The following DSP variants were observed in gnomAD, a reference collection of about 807,000 sequenced individuals.
DSP encodes 250/210 kDa paraneoplastic pemphigus antigen.
DSP carries 114 observed loss-of-function variants against 290.6 expected under a neutral mutation model. The observed-to-expected ratio is 0.39, with a 90% CI of 0.34 to 0.46. The LOEUF (loss-of-function observed/expected upper bound fraction) is 0.46, where lower values mean the gene tolerates loss of function less well. Ranked by LOEUF, DSP falls within the 20% of genes least tolerant of loss-of-function variation. The pLI is 0.99. For missense variants in DSP, 3,230 were observed against 3,495.8 expected (o/e 0.92, Z 1.92); for synonymous variants, 1,311 against 1,316.4 (o/e 1.00, Z 0.09).
At position 7,568,493 on chromosome 6, in the gene DSP, G is replaced by C. The variant is rs1037212969; in HGVS notation, c.1323G>C (p.Lys441Asn). 21 of 1,614,016 alleles carry C rather than the reference G, an allele frequency of 1.3e-5. No individual in the cohort carries two copies. The highest frequency in any genetic ancestry group is 5.0e-5 in the Admixed American group (3 of 60,010). Residue 441 changes from lysine to asparagine, a missense_variant, in exon 11 of 24, where the codon AAG becomes AAC. Coordinates refer to ENST00000379802, the MANE Select transcript of DSP (RefSeq NM_004415.4). Reference protein sequence around the residue: ...YKRQVQNLVNKSKKIVQLKPR... With the variant: ...YKRQVQNLVNNSKKIVQLKPR... ...GTCAGGTGCAGAACTTGGTAAACAA[G>C]TCTAAGAAGATTGTACAGCTGAAGC...
At position 7,579,979 on chromosome 6, in the gene DSP, C is replaced by T; in HGVS notation, c.3789C>T (p.Ala1263=). The T allele has an allele frequency of 6.2e-7, 1 of 1,614,066 alleles. No individual in the cohort carries two copies. Among genetic ancestry groups the T allele is most frequent in the South Asian group, 1.1e-5 (1 of 91,074 alleles). Residue 1263 remains alanine, a synonymous_variant, in exon 23 of 24, where the codon GCC becomes GCT. Transcript: ENST00000379802. This position sits in a 1 kb window ranked among gnomAD's most constrained non-coding sequence, Gnocchi z 4.1. ...IVRLNDSILQ[A]TEQRRRAEEN... is the part of the protein sequence containing the mutation. ...GGCTCAATGACAGCATCTTGCAGGC[C>T]ACTGAGCAGCGAAGGCGAGCTGAAG...
At chr6:7,575,259 G>A in intron 17 of DSP, 36 bp from the exon 18 acceptor site, 3 of 1,610,424 alleles carry the variant, frequency 1.9e-6, no homozygotes, top group Non-Finnish European at 2.5e-6. Context: ...TGGGAGAAGG[G>A]ATTAATTTGC....
chr6:7,559,460 T>C, intron 4 of DSP, 60 bp downstream of exon 4: 2 of 1,603,846 alleles, frequency 1.2e-6, no homozygotes, highest in South Asian at 2.2e-5. Flanking sequence ...CACGATGGGG[T>C]CAGCCCATGT....
At chr6:7,557,995 T>C in intron 2 of DSP, 121 bp from the exon 3 acceptor site, 3 of 1,240,624 alleles carry the variant, frequency 2.4e-6, no homozygotes, top group Middle Eastern at 1.9e-4. Context: ...AAGATCATTT[T>C]CACTGGCGAA....
chr6:7,551,678 G>A (rs114687153), intron 1 of DSP, among the ~76,000 whole-genome samples: 146 of 151,834 alleles, frequency 9.6e-4, no homozygotes, highest in African/African-American at 3.2e-3. Context: ...CCTGGCTCTC[G>A]TGCTGAAGAA....
At chr6:7,554,652 A>G (rs1017049131) in intron 1 of DSP, among the ~76,000 whole-genome samples, 1 of 152,116 alleles carries the variant, frequency 6.6e-6, no homozygotes, top group South Asian at 2.1e-4. Flanking sequence ...AAATATATAT[A>G]TATATTTTTA....
intron 1 of DSP, among the ~76,000 whole-genome samples, chr6:7,550,678 T>G (rs1399448002): frequency 1.3e-5 from 2 of 152,128 alleles, no homozygotes; most frequent in Admixed American, 1.3e-4. Flanking sequence ...CATTTATCTC[T>G]CAGAAGAGTT....
intron 5 of DSP, among the ~76,000 whole-genome samples, chr6:7,563,313 C>CA (rs1758759294): frequency 7.2e-6 from 1 of 138,988 alleles, no homozygotes; most frequent in Admixed American, 7.2e-5. Context: ...AATCACTAAA[C>CA]TTTTTTTTTT....
At chr6:7,547,991 C>T (rs536538220) in intron 1 of DSP, among the ~76,000 whole-genome samples, 2 of 152,172 alleles carry the variant, frequency 1.3e-5, no homozygotes, top group South Asian at 2.1e-4. Context: ...AAATTTCTGC[C>T]GGGCGCGGTG....
Position 7,583,648 on chromosome 6 carries a change from T to C in DSP, c.6386T>C (p.Ile2129Thr). ...ETGMRLLEAQIASGGVVDPVN... is the reference protein window; with the variant it reads ...ETGMRLLEAQTASGGVVDPVN... ...GGAATGCGCCTGCTGGAAGCCCAGA[T>C]TGCTTCAGGGGGTGTAGTAGACCCT... is the stretch of plus-strand genomic sequence containing the variant. Residue 2129 changes from isoleucine to threonine, a missense_variant, in exon 24 of 24, where the codon ATT (isoleucine) becomes ACT (threonine). Coordinates refer to ENST00000379802, the MANE Select transcript of DSP (RefSeq NM_004415.4). This position sits in a 1 kb window ranked among gnomAD's most constrained non-coding sequence, Gnocchi z 4.0. 1 of 1,614,076 alleles carries C rather than the reference T, an allele frequency of 6.2e-7. No homozygotes were observed. The highest frequency in any genetic ancestry group is 2.2e-5 in the East Asian group (1 of 44,864).
Position 7,571,892 on chromosome 6 carries a change from A to G in DSP, c.1954A>G (p.Asn652Asp). The change falls in exon 15 of 24, where the codon AAT becomes GAT. Residue 652 changes from asparagine to aspartate, a missense_variant. Transcript: ENST00000379802. ...HHGTCQDVNHNKVIETNREND... is the reference protein window; with the variant it reads ...HHGTCQDVNHDKVIETNREND... ...TGGAACCTGCCAAGATGTCAACCATAATAAAGTAATTGAAACCAACAGAGA... is the reference window on the plus strand; with the variant it reads ...TGGAACCTGCCAAGATGTCAACCATGATAAAGTAATTGAAACCAACAGAGA... The G allele has an allele frequency of 6.2e-7, 1 of 1,614,016 alleles. No homozygotes were observed. The highest frequency in any genetic ancestry group is 8.5e-7 in the Non-Finnish European group (1 of 1,180,020).
At chr6:7,573,949 G>A (rs1759143862) in intron 15 of DSP, 137 bp from the exon 16 acceptor site, 1 of 939,456 alleles carries the variant, frequency 1.1e-6, no homozygotes, top group African/African-American at 1.7e-5. Context: ...GAAGTTGACT[G>A]ATGTGTTAAT....
intron 5 of DSP, among the ~76,000 whole-genome samples, chr6:7,563,123 A>G (rs1380229906): frequency 6.6e-6 from 1 of 152,152 alleles, no homozygotes; most frequent in African/African-American, 2.4e-5. Context: ...AGTTTGTGTC[A>G]TTGGTGAATC....
intron 1 of DSP, among the ~76,000 whole-genome samples, chr6:7,551,467 A>G (rs1015243573): frequency 2.6e-5 from 4 of 151,338 alleles, no homozygotes; most frequent in Non-Finnish European, 5.9e-5. Context: ...TGTCTCTACT[A>G]AAAATACAAA....
intron 17 of DSP, 152 bp downstream of exon 17, chr6:7,574,947 C>T: frequency 9.6e-7 from 1 of 1,042,334 alleles, no homozygotes; most frequent in Non-Finnish European, 1.4e-6. Flanking sequence ...ATCTCTGTAA[C>T]TCTGTTTTCC....
At chr6:7,552,156 T>G (rs1758359739) in intron 1 of DSP, among the ~76,000 whole-genome samples, 1 of 152,222 alleles carries the variant, frequency 6.6e-6, no homozygotes, top group Admixed American at 6.5e-5. Context: ...TTTTATTTTT[T>G]CAACCCTTCA....
Position 7,584,474 on chromosome 6 carries a change from T to C in DSP, c.7212T>C (p.Ile2404=). 6.2e-7 allele frequency: 1 copy of C among 1,614,158 alleles called. No homozygotes were observed. The highest frequency in any genetic ancestry group is 8.5e-7 in the Non-Finnish European group (1 of 1,180,028). ...RGYFNEELSE[I]LSDPSDDTKG... ...ATTTCAATGAGGAACTCAGTGAGAT[T>C]CTCTCAGATCCAAGTGATGATACCA... The change falls in exon 24 of 24, where the codon ATT becomes ATC. Residue 2404 remains isoleucine, a synonymous_variant. Transcript: ENST00000379802. This position sits in a 1 kb window ranked among gnomAD's most constrained non-coding sequence, Gnocchi z 6.4.
chr6:7,565,800 AAC>A lies in DSP; in HGVS notation c.939+287_939+288del. The A allele has an allele frequency of 4.5e-6, 2 of 440,188 alleles. No individual in the cohort carries two copies. The highest frequency in any genetic ancestry group is 2.1e-5 in the South Asian group (1 of 48,404). The allele number at this position is 440,188 out of a possible 1,614,324, so 27.3% of individuals were successfully genotyped here. A position where few individuals can be genotyped will look rare whatever the true frequency, so the allele number is the denominator to read the frequency against. On this transcript the variant is annotated intron_variant, in intron 7 of 23. Transcript: ENST00000379802. This position sits in a 1 kb window ranked among gnomAD's most constrained non-coding sequence, Gnocchi z 4.2. ...AATACATGGATACATCGAGGGCAAC[AAC>A]ACACACTGGGGCCTTTCGGAGGGCA...
chr6:7,571,239 TAA>T, intron 13 of DSP, 142 bp from the exon 14 acceptor site: 1 of 823,786 alleles, frequency 1.2e-6, no homozygotes, highest in Non-Finnish European at 2.1e-6. Context: ...GTCTAAAACC[TAA>T]AAGACCTTTT....
Sources: allele counts gnomAD v4.1 joint callset (sites outside exome capture counted in the v4.1 genomes callset), GRCh38; gene constraint gnomAD v4.1.1; non-coding constraint Gnocchi (gnomAD v3.1); transcripts MANE v1.5; gene names NCBI Gene and HGNC (gene_info 2026-07-23, HGNC 2026-07-21).